Variants in BMP7 observed in about 807,000 individuals in gnomAD.
BMP7 encodes the protein osteogenic protein 1.
In BMP7, 12 loss-of-function variants were observed where a neutral mutation model predicts 41.2. The observed-to-expected ratio is 0.29, with a 90% CI of 0.19 to 0.47. BMP7 has a LOEUF of 0.47. Ranked by LOEUF, BMP7 falls within the 20% of genes least tolerant of loss-of-function variation. BMP7 has a pLI of 0.99. For synonymous variants in BMP7, 248 were observed against 250.0 expected (o/e 0.99, Z 0.07); for missense variants, 467 against 606.0 (o/e 0.77, Z 2.41).
At chr20:57,249,575 T>A (rs1320993507) in intron 1 of BMP7, among the ~76,000 whole-genome samples, 1 of 152,144 alleles carries the variant, frequency 6.6e-6, no homozygotes, top group Non-Finnish European at 1.5e-5. Flanking sequence ...TCAAAATCTA[T>A]GATGGGAGTT....
At position 57,265,698 on chromosome 20, in the gene BMP7, TACTC is replaced by T. The variant is rs1016222909; in HGVS notation, c.418+3_418+6del. ...GGAGACGCGTACCCTCGCCTGCCCT[TACTC>T]ACCGAGGTTGACGAAGCTCATGACC... On this transcript the variant is annotated splice_donor_5th_base_variant and intron_variant, in intron 1 of 6. Coordinates refer to ENST00000395863, the MANE Select transcript of BMP7 (RefSeq NM_001719.3). 41 of 1,598,688 alleles carry T rather than the reference TACTC, an allele frequency of 2.6e-5. No individual in the cohort carries two copies. The Admixed American group carries it at 4.1e-4, about 16-fold the overall frequency.
intron 2 of BMP7, among the ~76,000 whole-genome samples, chr20:57,209,245 A>ATT (rs201592076): frequency 3.2e-4 from 30 of 93,456 alleles, no homozygotes; most frequent in Non-Finnish European, 4.8e-4. Flanking sequence ...AGATTTATAT[A>ATT]TTTTTATATA....
At position 57,259,675 on chromosome 20, in the gene BMP7, C is replaced by G. The variant is rs951830613; in HGVS notation, c.418+6030G>C. ...CGCGGCTCCCCACAATGCCTTCCGA[C>G]ACAAATGTTGAAAAGGCGGTATTGC... On this transcript the variant is annotated intron_variant, in intron 1 of 6. Coordinates refer to ENST00000395863, the MANE Select transcript of BMP7 (RefSeq NM_001719.3). This position sits in a 1 kb window ranked among gnomAD's most constrained non-coding sequence, Gnocchi z 4.7. Among the ~76,000 whole-genome samples the G allele has an allele frequency of 6.6e-6, 1 of 152,170 alleles. No individual in the cohort carries two copies. Among genetic ancestry groups the G allele is most frequent in the Non-Finnish European group, 1.5e-5 (1 of 68,050 alleles).
chr20:57,176,648 T>C (rs539825693), intron 4 of BMP7, among the ~76,000 whole-genome samples: 3 of 152,196 alleles, frequency 2.0e-5, no homozygotes, highest in South Asian at 2.1e-4. Context: ...AGAGCTCCTA[T>C]AACTCCTGGG....
At chr20:57,230,156 C>A (rs2123119038) in intron 1 of BMP7, among the ~76,000 whole-genome samples, 1 of 152,276 alleles carries the variant, frequency 6.6e-6, no homozygotes, top group African/African-American at 2.4e-5. Flanking sequence ...CGGGGTCCTT[C>A]CAGATGACAG....
chr20:57,249,436 G>A (rs923229474), intron 1 of BMP7, among the ~76,000 whole-genome samples: 5 of 152,040 alleles, frequency 3.3e-5, no homozygotes, highest in African/African-American at 1.2e-4. Flanking sequence ...ACTGCATAAC[G>A]AAACAGCTTC....
rs967183441 is a variant in BMP7 at position 57,171,502 on chromosome 20, C to T, written c.1147-394G>A. Among the ~76,000 whole-genome samples, 2 of 152,126 alleles carry T rather than the reference C, an allele frequency of 1.3e-5. No individual in the cohort carries two copies. Among genetic ancestry groups the T allele is most frequent in the South Asian group, 4.1e-4 (2 of 4,830 alleles). On this transcript the variant is annotated intron_variant, in intron 6 of 6. Coordinates refer to ENST00000395863, the MANE Select transcript of BMP7 (RefSeq NM_001719.3). This position sits in a 1 kb window ranked among gnomAD's most constrained non-coding sequence, Gnocchi z 4.5. ...TCTGCACCTTACAGAGGATGTGGGACAGGGACACATAGACTCAAATGCCTA... is the reference window on the plus strand; with the variant it reads ...TCTGCACCTTACAGAGGATGTGGGATAGGGACACATAGACTCAAATGCCTA...
intron 2 of BMP7, among the ~76,000 whole-genome samples, chr20:57,218,475 G>A (rs1401061794): frequency 6.6e-6 from 1 of 150,948 alleles, no homozygotes; most frequent in East Asian, 1.9e-4. Context: ...GGTAGCTGGT[G>A]TGTGTTCGGT....
At chr20:57,179,028 C>A (rs555534446) in intron 4 of BMP7, among the ~76,000 whole-genome samples, 1 of 152,306 alleles carries the variant, frequency 6.6e-6, no homozygotes, top group East Asian at 1.9e-4. Flanking sequence ...AAACCCAAGG[C>A]CAAACAGACC....
intron 1 of BMP7, among the ~76,000 whole-genome samples, chr20:57,240,383 T>C (rs1192795498): frequency 6.6e-6 from 1 of 152,248 alleles, no homozygotes; most frequent in Non-Finnish European, 1.5e-5. Flanking sequence ...CTGGATTTTA[T>C]TGTCCATATC....
chr20:57,172,536 G>C (rs6123669), intron 6 of BMP7, among the ~76,000 whole-genome samples: 65,089 of 151,926 alleles, frequency 0.43, 15,275 homozygotes, highest in East Asian at 0.69. Flanking sequence ...ATGATCAGTA[G>C]GCAGGAAAGG....
chr20:57,175,046 GGAGA>G (rs1983892517), intron 4 of BMP7, 39 bp from the exon 5 acceptor site: 1 of 1,584,662 alleles, frequency 6.3e-7, no homozygotes, highest in Non-Finnish European at 8.6e-7. Context: ...AGCCCAGTGA[GGAGA>G]AAGAAACACA....
chr20:57,256,713 T>TA (rs1363610033), intron 1 of BMP7, among the ~76,000 whole-genome samples: 1 of 151,458 alleles, frequency 6.6e-6, no homozygotes. Context: ...CTACTAAAAA[T>TA]AAAAAATAAA....
rs913104299 is a variant in BMP7, at chr20:57,228,851, T to C, written c.419-430A>G. ...AAATGGGGATTGTAATCCTCCTTCA[T>C]GGGTTATGGTCAGGGTTGAATGATC... On this transcript the variant is annotated intron_variant, in intron 1 of 6. Coordinates refer to ENST00000395863, the MANE Select transcript of BMP7 (RefSeq NM_001719.3). This position sits in a 1 kb window ranked among gnomAD's most constrained non-coding sequence, Gnocchi z 4.5. Among the ~76,000 whole-genome samples, 6 of 152,230 alleles carry C rather than the reference T, an allele frequency of 3.9e-5. No individual in the cohort carries two copies. Among genetic ancestry groups the C allele is most frequent in the Non-Finnish European group, 5.9e-5 (4 of 68,040 alleles).
chr20:57,252,120 GCAGT>G (rs201985128), intron 1 of BMP7, among the ~76,000 whole-genome samples: 3 of 152,276 alleles, frequency 2.0e-5, no homozygotes, highest in East Asian at 3.9e-4. Flanking sequence ...CGGCAGTAAA[GCAGT>G]CAGAGTGAAT....
At chr20:57,205,652 A>G (rs1190286338) in intron 2 of BMP7, among the ~76,000 whole-genome samples, 1 of 152,218 alleles carries the variant, frequency 6.6e-6, no homozygotes, top group Admixed American at 6.5e-5. Flanking sequence ...TTAGCAGGAA[A>G]ATGTGACCAG....
rs943941333 is a variant in BMP7, at chr20:57,259,455, G to A, written c.418+6250C>T. 6.6e-6 allele frequency among the ~76,000 whole-genome samples: 1 copy of A among 152,186 alleles called. No homozygotes were observed. The highest frequency in any genetic ancestry group is 1.9e-4 in the East Asian group (1 of 5,198). On this transcript the variant is annotated intron_variant, in intron 1 of 6. Coordinates refer to ENST00000395863, the MANE Select transcript of BMP7 (RefSeq NM_001719.3). The surrounding 1 kb of genome is among the most constrained non-coding windows in gnomAD (Gnocchi z 4.7). The stretch of plus-strand genomic sequence containing the variant: ...CTTTGAAATACTGTACCATGCTACC[G>A]ACATCAATTAATGAAAAGCAGGGTT...
intron 1 of BMP7, among the ~76,000 whole-genome samples, chr20:57,256,541 G>A (rs1440061389): frequency 6.6e-6 from 1 of 152,164 alleles, no homozygotes; most frequent in Non-Finnish European, 1.5e-5. Flanking sequence ...CTTTCAGGTG[G>A]AAGAGTAAAT....
At chr20:57,201,452 G>A (rs1202397933) in intron 3 of BMP7, among the ~76,000 whole-genome samples, 1 of 152,056 alleles carries the variant, frequency 6.6e-6, no homozygotes, top group African/African-American at 2.4e-5. Flanking sequence ...ATGGGAGAGG[G>A]GAAAAACAGA....
Sources: allele counts gnomAD v4.1 joint callset (sites outside exome capture counted in the v4.1 genomes callset), GRCh38; gene constraint gnomAD v4.1.1; non-coding constraint Gnocchi (gnomAD v3.1); transcripts MANE v1.5; gene names NCBI Gene and HGNC (gene_info 2026-07-23, HGNC 2026-07-21).